The following TTC17 variants were observed in gnomAD, a reference collection of about 807,000 sequenced individuals.
TTC17 encodes tetratricopeptide repeat domain 17, also known as tetratricopeptide repeat protein 17.
In TTC17, 58 loss-of-function variants were observed where a neutral mutation model predicts 143.8. The ratio of observed to expected loss-of-function variants is 0.40; its 90% CI spans 0.33 to 0.50. The LOEUF is 0.50. TTC17 is among the 20% of genes least tolerant of loss of function. The pLI is 0.49. For missense variants in TTC17, 1,273 were observed against 1,392.5 expected, an observed-to-expected ratio of 0.91 and a Z score of 1.37; for synonymous variants, 501 against 497.8, an observed-to-expected ratio of 1.01 and a Z score of -0.09.
At chr11:43,368,278 G>A (rs533924754) in intron 1 of TTC17, among the ~76,000 whole-genome samples, 45 of 152,016 alleles carry the variant, frequency 3.0e-4, no homozygotes, top group East Asian at 2.7e-3. Flanking sequence ...CAAATCTTAC[G>A]TGCAGTTTCA....
chr11:43,403,591 TTTC>T (rs1857969906), intron 10 of TTC17, among the ~76,000 whole-genome samples: 2 of 152,180 alleles, frequency 1.3e-5, no homozygotes, highest in Admixed American at 1.3e-4. Flanking sequence ...TTAAGAATAC[TTTC>T]TTAAGTTCCC....
intron 1 of TTC17, among the ~76,000 whole-genome samples, chr11:43,367,458 A>T (rs1045435525): frequency 1.5e-4 from 23 of 152,206 alleles, no homozygotes; most frequent in African/African-American, 5.3e-4. Flanking sequence ...GTGGTAGATG[A>T]GAAATGGCAG....
intron 2 of TTC17, among the ~76,000 whole-genome samples, chr11:43,386,183 T>A (rs1006093995): frequency 1.1e-4 from 17 of 151,828 alleles, no homozygotes; most frequent in African/African-American, 2.7e-4. Flanking sequence ...AAAAAAAAAA[T>A]TTCCTATGCA....
intron 21 of TTC17, among the ~76,000 whole-genome samples, chr11:43,457,418 T>C (rs1248684968): frequency 2.0e-5 from 3 of 151,962 alleles, no homozygotes; most frequent in African/African-American, 7.3e-5. Flanking sequence ...CAGAATACAA[T>C]TTTTAGAAAA....
intron 16 of TTC17, among the ~76,000 whole-genome samples, chr11:43,428,291 C>A (rs1018040852): frequency 6.7e-6 from 1 of 148,656 alleles, no homozygotes; most frequent in Non-Finnish European, 1.5e-5. Flanking sequence ...CTGAAGTAAG[C>A]CAGAGATTTA....
chr11:43,470,073 GACA>G, intron 21 of TTC17, among the ~76,000 whole-genome samples: 1 of 152,068 alleles, frequency 6.6e-6, no homozygotes, highest in Non-Finnish European at 1.5e-5. Context: ...AAAAATGTAT[GACA>G]ACAATAATAA....
chr11:43,478,538 T>C (rs1160935916), intron 21 of TTC17, among the ~76,000 whole-genome samples: 1 of 152,166 alleles, frequency 6.6e-6, no homozygotes, highest in East Asian at 1.9e-4. Flanking sequence ...TGAAACAACA[T>C]GGCCATGAGT....
intron 1 of TTC17, among the ~76,000 whole-genome samples, chr11:43,367,600 C>T (rs187624467): frequency 6.6e-6 from 1 of 152,210 alleles, no homozygotes; most frequent in African/African-American, 2.4e-5. Flanking sequence ...ACGAGCTGCT[C>T]ACGTCAAAAA....
chr11:43,397,897 T>C, intron 7 of TTC17, 77 bp from the exon 8 acceptor site: 1 of 1,534,346 alleles, frequency 6.5e-7, no homozygotes, highest in Middle Eastern at 2.0e-4. Context: ...AACATTTTTT[T>C]TTCCGTGTGT....
intron 21 of TTC17, among the ~76,000 whole-genome samples, chr11:43,486,863 A>T (rs1182729945): frequency 6.6e-6 from 1 of 151,814 alleles, no homozygotes; most frequent in African/African-American, 2.4e-5. Flanking sequence ...TGGCAAAATC[A>T]CATCTCTACA....
chr11:43,418,314 G>C (rs1946823182), intron 16 of TTC17, among the ~76,000 whole-genome samples: 1 of 151,982 alleles, frequency 6.6e-6, no homozygotes, highest in Non-Finnish European at 1.5e-5. Flanking sequence ...GTCTTTTATA[G>C]GTAGTTTTAT....
chr11:43,439,475 T>G (rs1198301306), intron 16 of TTC17, among the ~76,000 whole-genome samples: 5 of 151,068 alleles, frequency 3.3e-5, no homozygotes, highest in Admixed American at 2.6e-4. Flanking sequence ...TTTTGGTTTT[T>G]TTTTTTTTTT....
At chr11:43,396,180 A>G (rs999327762) in intron 5 of TTC17, 1 of 150,004 alleles carries the variant, frequency 6.7e-6, no homozygotes, top group Middle Eastern at 3.5e-3. Context: ...TTCTTTGTGA[A>G]GTTACACATT....
chr11:43,445,846 A>G (rs1947528178), intron 18 of TTC17: 2 of 723,276 alleles, frequency 2.8e-6, no homozygotes, highest in Non-Finnish European at 2.4e-6. Flanking sequence ...CCCATGGGGG[A>G]AAAATGGAGA....
intron 2 of TTC17, among the ~76,000 whole-genome samples, chr11:43,386,185 T>G (rs1212093061): frequency 2.0e-5 from 3 of 152,076 alleles, no homozygotes; most frequent in African/African-American, 7.2e-5. Context: ...AAAAAAAATT[T>G]CCTATGCAGT....
At chr11:43,448,769 G>A (rs771017538) in intron 19 of TTC17, 2 of 152,150 alleles carry the variant, frequency 1.3e-5, no homozygotes, top group South Asian at 2.1e-4. Context: ...TTGCACTCAG[G>A]CAACCCATGC....
chr11:43,456,941 G>A (rs1947774745), intron 21 of TTC17, among the ~76,000 whole-genome samples: 1 of 152,056 alleles, frequency 6.6e-6, no homozygotes, highest in Non-Finnish European at 1.5e-5. Flanking sequence ...CACTGCTTAG[G>A]AAATAAGGAG....
chr11:43,481,730 T>G (rs1948291260), intron 21 of TTC17, among the ~76,000 whole-genome samples: 1 of 152,188 alleles, frequency 6.6e-6, no homozygotes, highest in Admixed American at 6.5e-5. Context: ...CCTCTCTTAA[T>G]CCTGATATTG....
At chr11:43,430,750 A>ACACACACACACACAC (rs1565162027) in intron 16 of TTC17, among the ~76,000 whole-genome samples, 1 of 75,824 alleles carries the variant, frequency 1.3e-5, no homozygotes, top group Non-Finnish European at 3.2e-5. Flanking sequence ...CACACACACA[A>ACACACACACACACAC]AGTTGAAATT....
Sources: allele counts gnomAD v4.1 joint callset (sites outside exome capture counted in the v4.1 genomes callset), GRCh38; gene constraint gnomAD v4.1.1; transcripts MANE v1.5; gene names NCBI Gene and HGNC (gene_info 2026-07-23, HGNC 2026-07-21).